Variants in CREBBP observed in about 807,000 individuals in gnomAD.
The protein encoded by CREBBP is CREB-binding protein.
In CREBBP, 19 loss-of-function variants were observed where a neutral mutation model predicts 265.0. The observed-to-expected ratio is 0.07, with a 90% confidence interval of 0.05 to 0.11. The LOEUF (loss-of-function observed/expected upper bound fraction) is 0.11, where lower values mean the gene tolerates loss of function less well. CREBBP is among the 10% of genes least tolerant of loss of function. CREBBP has a pLI of 1.00. For missense variants in CREBBP, 2,525 were observed against 3,219.0 expected, an observed-to-expected ratio of 0.78 and a Z score of 5.22; for synonymous variants, 1,457 against 1,223.7, an observed-to-expected ratio of 1.19 and a Z score of -3.98.
chr16:3,765,109 G>A (rs1316575304), intron 16 of CREBBP, among the ~76,000 whole-genome samples: 1 of 152,116 alleles, frequency 6.6e-6, no homozygotes, highest in Non-Finnish European at 1.5e-5. Context: ...GAGCAGCTGG[G>A]ACTACAGGCG....
rs757269019 is a variant in CREBBP at position 3,757,962 on chromosome 16, C to T, written c.3456G>A (p.Gln1152=). The T allele has an allele frequency of 1.9e-6, 3 of 1,613,830 alleles. No homozygotes were observed. The highest frequency in any genetic ancestry group is 2.5e-6 in the Non-Finnish European group (3 of 1,180,006). The change falls in exon 18 of 31, where the codon CAG becomes CAA. Residue 1152 remains glutamine, a synonymous_variant. Coordinates refer to ENST00000262367, the MANE Select transcript of CREBBP (RefSeq NM_004380.3). ...LDTGQYQEPW[Q]YVDDVWLMFN... The stretch of plus-strand genomic sequence containing the variant: ...ACATGAGCCAGACGTCGTCCACGTA[C>T]TGCCAGGGCTCTTGGTATTGCCCTG...
intron 2 of CREBBP, among the ~76,000 whole-genome samples, chr16:3,847,489 C>T (rs1049536769): frequency 9.2e-5 from 14 of 152,246 alleles, no homozygotes; most frequent in African/African-American, 2.9e-4. Context: ...CCAAAGGCAA[C>T]GACACATCTT....
chr16:3,871,861 T>C (rs1177107995), intron 1 of CREBBP, among the ~76,000 whole-genome samples: 2 of 152,224 alleles, frequency 1.3e-5, no homozygotes, highest in Non-Finnish European at 2.9e-5. Flanking sequence ...ATATACCTAC[T>C]GTATACAATA....
intron 2 of CREBBP, among the ~76,000 whole-genome samples, chr16:3,834,231 C>T (rs1383908917): frequency 6.6e-6 from 1 of 152,198 alleles, no homozygotes; most frequent in African/African-American, 2.4e-5. Context: ...ACTAAGCATA[C>T]TCTTACCATA....
intron 16 of CREBBP, among the ~76,000 whole-genome samples, chr16:3,759,828 C>T (rs1398642646): frequency 6.6e-6 from 1 of 152,336 alleles, no homozygotes; most frequent in African/African-American, 2.4e-5. Flanking sequence ...ACTACACTCT[C>T]TGTTTTCACT....
chr16:3,850,146 AG>A, intron 2 of CREBBP, 150 bp downstream of exon 2: 1 of 756,592 alleles, frequency 1.3e-6, no homozygotes, highest in South Asian at 1.5e-5. Context: ...TCTTTATCCT[AG>A]AAAGAAATCT....
chr16:3,730,265 G>A (rs2051878544), intron 30 of CREBBP, among the ~76,000 whole-genome samples: 1 of 152,168 alleles, frequency 6.6e-6, no homozygotes, highest in Non-Finnish European at 1.5e-5. Context: ...GACTTCCTCT[G>A]ACCTGGGAGT....
At chr16:3,770,322 C>G (rs1328120101) in intron 14 of CREBBP, among the ~76,000 whole-genome samples, 1 of 152,074 alleles carries the variant, frequency 6.6e-6, no homozygotes, top group Non-Finnish European at 1.5e-5. Context: ...GCTGGGACTA[C>G]AGGACTACAG....
At chr16:3,735,104 C>A (rs796383552) in intron 28 of CREBBP, among the ~76,000 whole-genome samples, 5 of 152,310 alleles carry the variant, frequency 3.3e-5, no homozygotes, top group African/African-American at 1.2e-4. Context: ...CCGCACACAG[C>A]GCGCCTCCTC....
rs1339972363 is a variant in CREBBP at position 3,727,144 on chromosome 16, G to A, written c.*574C>T. On this transcript the variant is annotated 3_prime_UTR_variant, in exon 31 of 31. Transcript: ENST00000262367. Reference sequence around the variant, plus strand: ...AGCCATTATGTATAGATAGATGTGTGTGGGTGTGTACGTGTGTGCACGCCG... The same window carrying A: ...AGCCATTATGTATAGATAGATGTGTATGGGTGTGTACGTGTGTGCACGCCG... 1 of 237,012 alleles carries A rather than the reference G, an allele frequency of 4.2e-6. No homozygotes were observed. Among genetic ancestry groups the A allele is most frequent in the Non-Finnish European group, 8.3e-6 (1 of 120,344 alleles). The allele number at this position is 237,012 out of a possible 1,614,324, so 14.7% of individuals were successfully genotyped here.
intron 30 of CREBBP, 83 bp from the exon 31 acceptor site, chr16:3,729,957 A>T: frequency 6.4e-7 from 1 of 1,562,558 alleles, no homozygotes; most frequent in Non-Finnish European, 8.6e-7. Context: ...CTCCACCGCT[A>T]AGTCTGGGTC....
chr16:3,750,492 G>A (rs759536005), intron 20 of CREBBP, among the ~76,000 whole-genome samples: 3 of 152,274 alleles, frequency 2.0e-5, no homozygotes, highest in East Asian at 1.9e-4. Context: ...AAGAGGGAAC[G>A]GCAGACCTGG....
chr16:3,775,941 G>A (rs2053128169), intron 11 of CREBBP, among the ~76,000 whole-genome samples: 3 of 149,752 alleles, frequency 2.0e-5, no homozygotes, highest in South Asian at 2.1e-4. Context: ...TTTGAGATGA[G>A]ATTTCGCTCT....
intron 3 of CREBBP, among the ~76,000 whole-genome samples, chr16:3,808,941 C>T (rs1205647552): frequency 2.6e-5 from 4 of 152,146 alleles, no homozygotes; most frequent in African/African-American, 9.7e-5. Context: ...CAGCATTATG[C>T]AGGTCAGTAC....
intron 25 of CREBBP, 137 bp from the exon 26 acceptor site, chr16:3,738,809 G>A (rs1596810758): frequency 1.2e-5 from 8 of 687,424 alleles, no homozygotes; most frequent in East Asian, 2.7e-5. Flanking sequence ...GCGGTGACGC[G>A]GTCACAGCTC....
intron 3 of CREBBP, among the ~76,000 whole-genome samples, chr16:3,800,245 G>A (rs1389181726): frequency 6.6e-6 from 1 of 152,182 alleles, no homozygotes; most frequent in Non-Finnish European, 1.5e-5. Context: ...AGCTTCCTGA[G>A]TAGCTGAGAT....
At position 3,823,493 on chromosome 16, in the gene CREBBP, G is replaced by A. The variant is rs369113973; in HGVS notation, c.799-12714C>T. On this transcript the variant is annotated intron_variant, in intron 2 of 30. Transcript: ENST00000262367. ...AGACATTTCAAGGAGCCTCAGCACA[G>A]GCCCACCACTCTCTGCAGGGAGGGC... Among the ~76,000 whole-genome samples the A allele has an allele frequency of 1.6e-3, 246 of 152,248 alleles. 5 individuals are homozygous for A. Among genetic ancestry groups the A allele is most frequent in the South Asian group, 0.012 (60 of 4,824 alleles).
chr16:3,730,130 T>G (rs2051874316), intron 30 of CREBBP, among the ~76,000 whole-genome samples: 1 of 152,130 alleles, frequency 6.6e-6, no homozygotes, highest in Admixed American at 6.5e-5. Context: ...GGACTGCCTA[T>G]GTGTTGCTCC....
Position 3,773,910 on chromosome 16 carries a change from T to C in CREBBP, c.2304A>G (p.Arg768=), listed in dbSNP as rs1032264134. 1.9e-6 allele frequency: 3 copies of C among 1,612,030 alleles called. No homozygotes were observed. The African/African-American group carries it at 4.0e-5, about 22-fold the overall frequency. ...SVPGMAISPS[R]MPQPPNMMGA... ...CCATCATGTTCGGAGGCTGAGGCAT[T>C]CGGGAAGGAGAAATGGCCATCTACG... Residue 768 remains arginine, a synonymous_variant, in exon 13 of 31, where the codon CGA becomes CGG. Transcript: ENST00000262367.
Sources: allele counts gnomAD v4.1 joint callset (sites outside exome capture counted in the v4.1 genomes callset), GRCh38; gene constraint gnomAD v4.1.1; transcripts MANE v1.5; gene names NCBI Gene and HGNC (gene_info 2026-07-23, HGNC 2026-07-21).